Variants in DOCK1 observed in about 807,000 individuals in gnomAD.
DOCK1 encodes dedicator of cytokinesis 1.
In DOCK1, 138 loss-of-function variants were observed where a neutral mutation model predicts 262.7. The ratio of observed to expected loss-of-function variants is 0.53; its 90% CI spans 0.46 to 0.61. The LOEUF (loss-of-function observed/expected upper bound fraction) is 0.61. Among genes scored for constraint, DOCK1 ranks in the 20% least tolerant of loss-of-function variants. The pLI is 0.00. For synonymous variants in DOCK1, 866 were observed against 867.4 expected, an observed-to-expected ratio of 1.00 and a Z score of 0.03; for missense variants, 1,908 against 2,370.7, an observed-to-expected ratio of 0.80 and a Z score of 4.05.
rs562214917 is a variant in DOCK1 at position 127,294,020 on chromosome 10, G to A, written c.3044+36591G>A. ...CAGGTGAAGCCACCCGGAGCACACC[G>A]CGGATATGCAGCTTGAGAAAGCCAG... On this transcript the variant is annotated intron_variant, in intron 29 of 51. Transcript: ENST00000623213. Among the ~76,000 whole-genome samples the A allele has an allele frequency of 4.6e-5, 7 of 152,212 alleles. No individual in the cohort carries two copies. The East Asian group carries it at 9.7e-4, about 21-fold the overall frequency.
intron 3 of DOCK1, among the ~76,000 whole-genome samples, chr10:126,979,972 C>T (rs368063450): frequency 6.6e-6 from 1 of 152,130 alleles, no homozygotes; most frequent in Admixed American, 6.5e-5. Flanking sequence ...CTTCATGATT[C>T]TCCAGTGGGT....
At chr10:127,373,675 C>G in intron 33 of DOCK1, 106 bp from the exon 34 acceptor site, 1 of 1,006,314 alleles carries the variant, frequency 9.9e-7, no homozygotes, top group South Asian at 1.5e-5. Flanking sequence ...CAGAGGGTAG[C>G]CATCTATGAT....
At chr10:127,050,958 C>A (rs1000521798) in intron 21 of DOCK1, among the ~76,000 whole-genome samples, 1 of 151,954 alleles carries the variant, frequency 6.6e-6, no homozygotes, top group African/African-American at 2.4e-5. Flanking sequence ...TTCCCTTCAT[C>A]TTTAGCAAGG....
Position 126,995,539 on chromosome 10 carries a change from C to T in DOCK1, c.474-1209C>T, listed in dbSNP as rs1163931838. On this transcript the variant is annotated intron_variant, in intron 6 of 51. Transcript: ENST00000623213. This position sits in a 1 kb window ranked among gnomAD's most constrained non-coding sequence, Gnocchi z 5.8. ...CCTGCAATCCCAGGCACTCCGCAGG[C>T]TGAGGCAGGAGAATCAGGCAGGGAG... is the stretch of plus-strand genomic sequence containing the variant. Among the ~76,000 whole-genome samples the T allele has an allele frequency of 3.3e-5, 5 of 152,206 alleles. No homozygotes were observed. Among genetic ancestry groups the T allele is most frequent in the African/African-American group, 1.2e-4 (5 of 41,468 alleles).
intron 48 of DOCK1, 62 bp downstream of exon 48, chr10:127,433,490 C>A: frequency 1.3e-6 from 2 of 1,545,296 alleles, no homozygotes; most frequent in Non-Finnish European, 1.7e-6. Flanking sequence ...CTGGAAGGAG[C>A]CACCCAGGGC....
intron 27 of DOCK1, among the ~76,000 whole-genome samples, chr10:127,240,640 A>G (rs186552638): frequency 6.6e-6 from 1 of 152,168 alleles, no homozygotes; most frequent in African/African-American, 2.4e-5. Flanking sequence ...ACTGCACACT[A>G]TCCTCTGTCC....
intron 23 of DOCK1, among the ~76,000 whole-genome samples, chr10:127,072,084 T>G (rs545409818): frequency 6.6e-6 from 1 of 152,178 alleles, no homozygotes; most frequent in South Asian, 2.1e-4. Context: ...ATCTGTGCCC[T>G]CGGTCTTGGA....
intron 10 of DOCK1, among the ~76,000 whole-genome samples, chr10:127,006,148 G>C (rs1304195105): frequency 6.6e-6 from 1 of 152,182 alleles, no homozygotes; most frequent in African/African-American, 2.4e-5. Flanking sequence ...CAGCGGAGTT[G>C]CTGACTCGCA....
At chr10:126,970,605 A>G (rs940391848) in intron 1 of DOCK1, 97 bp from the exon 2 acceptor site, 4 of 895,722 alleles carry the variant, frequency 4.5e-6, no homozygotes, top group Non-Finnish European at 1.8e-6. Flanking sequence ...ATGTATTTCA[A>G]TATTAAAAAC....
chr10:126,914,888 G>A (rs2032280644), intron 1 of DOCK1, among the ~76,000 whole-genome samples: 1 of 152,190 alleles, frequency 6.6e-6, no homozygotes, highest in Admixed American at 6.5e-5. Context: ...TGGCTCCTTT[G>A]ACCCTGCCAG....
chr10:126,910,175 A>G (rs2031557904), intron 1 of DOCK1, among the ~76,000 whole-genome samples: 1 of 152,266 alleles, frequency 6.6e-6, no homozygotes, highest in Non-Finnish European at 1.5e-5. Context: ...ATTCACTGGA[A>G]TTGCAGCAAA....
At chr10:127,393,311 G>T (rs1250387564) in intron 38 of DOCK1, among the ~76,000 whole-genome samples, 3 of 152,108 alleles carry the variant, frequency 2.0e-5, no homozygotes, top group African/African-American at 7.2e-5. Flanking sequence ...ACCATGACCC[G>T]GCTACAGCTC....
intron 32 of DOCK1, among the ~76,000 whole-genome samples, chr10:127,360,730 C>G (rs2064378550): frequency 6.6e-6 from 1 of 151,930 alleles, no homozygotes; most frequent in South Asian, 2.1e-4. Flanking sequence ...GGTCCGAGTG[C>G]CATGCAAAGA....
chr10:126,935,074 C>T (rs2034477716), intron 1 of DOCK1, among the ~76,000 whole-genome samples: 1 of 152,148 alleles, frequency 6.6e-6, no homozygotes, highest in Non-Finnish European at 1.5e-5. Flanking sequence ...CGCCACTGCA[C>T]TCCAGCCTGG....
At chr10:127,374,899 A>G (rs1317140641) in intron 35 of DOCK1, among the ~76,000 whole-genome samples, 1 of 152,208 alleles carries the variant, frequency 6.6e-6, no homozygotes, top group East Asian at 1.9e-4. Context: ...TCCTACTCAC[A>G]CCTTGATTTC....
chr10:127,354,141 T>A (rs922903629), intron 31 of DOCK1, among the ~76,000 whole-genome samples: 1 of 152,228 alleles, frequency 6.6e-6, no homozygotes, highest in East Asian at 1.9e-4. Context: ...AATTAGCATT[T>A]ATTTTCCCTG....
At chr10:127,291,783 G>T (rs964174920) in intron 29 of DOCK1, among the ~76,000 whole-genome samples, 2 of 152,230 alleles carry the variant, frequency 1.3e-5, no homozygotes, top group South Asian at 2.1e-4. Flanking sequence ...TACGTAGAGA[G>T]AATAGAGGGA....
At chr10:127,436,637 C>A (rs1434771257) in intron 48 of DOCK1, among the ~76,000 whole-genome samples, 1 of 151,690 alleles carries the variant, frequency 6.6e-6, no homozygotes, top group Non-Finnish European at 1.5e-5. Flanking sequence ...TTTTTTCAAT[C>A]TGTATCAATC....
chr10:126,954,987 G>A (rs1262509651), intron 1 of DOCK1, among the ~76,000 whole-genome samples: 19 of 152,134 alleles, frequency 1.2e-4, no homozygotes, highest in Non-Finnish European at 2.4e-4. Context: ...ACTGCCAAAC[G>A]GTTTTTCCGC....
Sources: gnomAD v4.1 joint callset for allele counts (sites outside exome capture counted in the v4.1 genomes callset) on GRCh38, gnomAD v4.1.1 for gene constraint, Gnocchi (gnomAD v3.1) non-coding constraint, MANE v1.5 for transcripts, NCBI Gene and HGNC (gene_info 2026-07-23, HGNC 2026-07-21) for gene names.